NLGN1: variants seen among roughly 807,000 people sequenced by gnomAD.
NLGN1 encodes the protein neuroligin-1.
A neutral mutation model predicts 65.5 loss-of-function variants in NLGN1; 12 were observed. The ratio of observed to expected loss-of-function variants is 0.18; its 90% CI spans 0.12 to 0.30. The LOEUF is 0.30. Among genes scored for constraint, NLGN1 ranks in the 10% least tolerant of loss-of-function variants. The pLI is 1.00. For synonymous variants in NLGN1, 350 were observed against 359.5 expected (o/e 0.97, Z 0.30); for missense variants, 750 against 1,007.1 (o/e 0.74, Z 3.46).
chr3:173,923,709 A>T (rs1172777847), intron 4 of NLGN1, among the ~76,000 whole-genome samples: 1 of 152,168 alleles, frequency 6.6e-6, no homozygotes, highest in Non-Finnish European at 1.5e-5. Flanking sequence ...AAGTAAAGAA[A>T]ATATTTAAAA....
intron 3 of NLGN1, among the ~76,000 whole-genome samples, chr3:173,727,842 A>C (rs1210710248): frequency 6.6e-6 from 1 of 152,172 alleles, no homozygotes; most frequent in Non-Finnish European, 1.5e-5. Flanking sequence ...CTTGCAATCA[A>C]AAAGAAGTAC....
chr3:173,745,767 G>A (rs1381173006), intron 3 of NLGN1, among the ~76,000 whole-genome samples: 2 of 152,046 alleles, frequency 1.3e-5, no homozygotes, highest in African/African-American at 4.8e-5. Flanking sequence ...CTAGTTCCAG[G>A]GAACAGATAC....
chr3:173,408,684 G>A (rs936918570), intron 1 of NLGN1, among the ~76,000 whole-genome samples: 5 of 152,138 alleles, frequency 3.3e-5, no homozygotes, highest in Admixed American at 6.5e-5. Flanking sequence ...AGGCCGAGGC[G>A]GGCGGATCAC....
At chr3:173,468,700 G>C (rs1181903153) in intron 2 of NLGN1, among the ~76,000 whole-genome samples, 1 of 151,948 alleles carries the variant, frequency 6.6e-6, no homozygotes, top group African/African-American at 2.4e-5. Flanking sequence ...GTCTTCTTTG[G>C]AATAAAAGGA....
chr3:174,275,639 T>G (rs1482759059), intron 5 of NLGN1, 112 bp downstream of exon 5: 2 of 666,914 alleles, frequency 3.0e-6, no homozygotes, highest in Admixed American at 2.8e-5. Flanking sequence ...TAGGTTGAAC[T>G]CAATAGTTTA....
At chr3:173,950,501 G>A (rs1163269703) in intron 4 of NLGN1, among the ~76,000 whole-genome samples, 2 of 152,248 alleles carry the variant, frequency 1.3e-5, no homozygotes, top group Middle Eastern at 3.4e-3. Context: ...ATATACTGAT[G>A]TTCAAACTTG....
intron 4 of NLGN1, among the ~76,000 whole-genome samples, chr3:173,905,998 G>A (rs1350841246): frequency 2.6e-5 from 4 of 152,116 alleles, no homozygotes; most frequent in Non-Finnish European, 5.9e-5. Context: ...CAAGGGCGAT[G>A]GATTTTAATA....
chr3:174,278,981 C>T, exon 6 of NLGN1: 1 of 1,577,352 alleles, frequency 6.3e-7, no homozygotes, highest in Non-Finnish European at 8.6e-7. Flanking sequence ...GTTTCAGATA[C>T]AGTAGAGTTA....
At chr3:174,243,363 G>A (rs140363285) in intron 4 of NLGN1, among the ~76,000 whole-genome samples, 130 of 152,248 alleles carry the variant, frequency 8.5e-4, no homozygotes, top group African/African-American at 3.0e-3. Flanking sequence ...TGGAGACTCA[G>A]TCACTATGGC....
At chr3:173,760,443 G>A (rs1565196) in intron 3 of NLGN1, among the ~76,000 whole-genome samples, 27,976 of 151,480 alleles carry the variant, frequency 0.18, 3,047 homozygotes, top group East Asian at 0.39. Flanking sequence ...CTGAAGTGAA[G>A]GTGATTCTGT....
At chr3:173,722,090 G>A (rs1402790399) in intron 3 of NLGN1, among the ~76,000 whole-genome samples, 1 of 152,142 alleles carries the variant, frequency 6.6e-6, no homozygotes, top group African/African-American at 2.4e-5. Context: ...TGAGGAATTA[G>A]TAAAATAACA....
chr3:173,691,536 T>C (rs111576519), intron 3 of NLGN1, among the ~76,000 whole-genome samples: 146 of 152,270 alleles, frequency 9.6e-4, no homozygotes, highest in Middle Eastern at 3.4e-3. Context: ...TTAGCATTCA[T>C]CTAGGTTCAT....
chr3:173,627,212 C>G (rs1026191610), intron 3 of NLGN1, among the ~76,000 whole-genome samples: 2 of 152,100 alleles, frequency 1.3e-5, no homozygotes, highest in Admixed American at 1.3e-4. Context: ...TCCCATTCCT[C>G]CCACTCCTCA....
chr3:173,712,030 G>A (rs1443523327), intron 3 of NLGN1, among the ~76,000 whole-genome samples: 2 of 152,170 alleles, frequency 1.3e-5, no homozygotes, highest in East Asian at 3.9e-4. Flanking sequence ...AAAATCTACA[G>A]AGTATTGGGT....
chr3:173,603,847 T>A (rs924516832), intron 2 of NLGN1, among the ~76,000 whole-genome samples: 2 of 152,104 alleles, frequency 1.3e-5, no homozygotes, highest in Non-Finnish European at 2.9e-5. Flanking sequence ...CAATCATTCT[T>A]ACAGAGTTTG....
chr3:173,800,801 A>T (rs958660170), intron 3 of NLGN1, among the ~76,000 whole-genome samples: 5 of 152,000 alleles, frequency 3.3e-5, no homozygotes, highest in African/African-American at 1.2e-4. Context: ...ACACACACCC[A>T]ATAAAATGAA....
intron 3 of NLGN1, among the ~76,000 whole-genome samples, chr3:173,730,580 G>A (rs188384273): frequency 1.4e-3 from 219 of 152,080 alleles, no homozygotes; most frequent in Non-Finnish European, 2.1e-3. Flanking sequence ...TTGCTCAATA[G>A]CTGCTTCAAG....
At chr3:173,967,247 C>G (rs185446445) in intron 4 of NLGN1, among the ~76,000 whole-genome samples, 1 of 152,110 alleles carries the variant, frequency 6.6e-6, no homozygotes, top group African/African-American at 2.4e-5. Context: ...GCATAACTTC[C>G]GACTGGTGGA....
At chr3:174,137,548 A>C (rs1026989550) in intron 4 of NLGN1, among the ~76,000 whole-genome samples, 1 of 152,120 alleles carries the variant, frequency 6.6e-6, no homozygotes, top group African/African-American at 2.4e-5. Flanking sequence ...GGATTGTTGG[A>C]AATCTCAAAT....
Sources: gnomAD v4.1 joint callset for allele counts (sites outside exome capture counted in the v4.1 genomes callset) on GRCh38, gnomAD v4.1.1 for gene constraint, MANE v1.5 for transcripts, NCBI Gene and HGNC (gene_info 2026-07-23, HGNC 2026-07-21) for gene names.